Variants in FOCAD observed in about 807,000 individuals in gnomAD.
FOCAD encodes the protein KIAA1797.
Under a neutral mutation model 225.6 loss-of-function variants are expected in FOCAD, and 198 were observed. The ratio of observed to expected loss-of-function variants is 0.88; its 90% CI spans 0.78 to 0.99. The LOEUF is 0.99. Among genes scored for constraint, FOCAD ranks in the 50% least tolerant of loss-of-function variants. The pLI, the probability that FOCAD is intolerant of heterozygous loss-of-function variation, is 0.00. For synonymous variants in FOCAD, 897 were observed against 755.0 expected (o/e 1.19, Z -3.08); for missense variants, 2,713 against 2,123.6 (o/e 1.28, Z -5.46).
intron 26 of FOCAD, among the ~76,000 whole-genome samples, chr9:20,927,244 G>A (rs1247996975): frequency 6.6e-6 from 1 of 151,920 alleles, no homozygotes; most frequent in African/African-American, 2.4e-5. Context: ...GTGTGACTTT[G>A]GGCAATTCAC....
chr9:20,877,193 A>C (rs1470071379), intron 19 of FOCAD, among the ~76,000 whole-genome samples: 4 of 152,128 alleles, frequency 2.6e-5, no homozygotes. Flanking sequence ...GGGATTAGCT[A>C]TTTCTTTCCC....
intron 18 of FOCAD, among the ~76,000 whole-genome samples, chr9:20,868,628 T>C (rs190624743): frequency 6.6e-6 from 1 of 152,100 alleles, no homozygotes; most frequent in African/African-American, 2.4e-5. Context: ...TCTATATATG[T>C]TTGGGTTTTC....
At position 20,829,954 on chromosome 9, in the gene FOCAD, A is replaced by G. The variant is rs576819599; in HGVS notation, c.1920+6839A>G. 2.0e-4 allele frequency among the ~76,000 whole-genome samples: 30 copies of G among 152,246 alleles called. 1 individual carries two copies. The highest frequency in any genetic ancestry group is 2.9e-4 in the Non-Finnish European group (20 of 67,992). ...TTTATTATCTCATTTAATTCTTACA[A>G]TAGAAGAAAACCCCAATTGTGACAG... On this transcript the variant is annotated intron_variant, in intron 15 of 43. Coordinates refer to ENST00000338382, the MANE Select transcript of FOCAD (RefSeq NM_001375567.1).
chr9:20,729,314 G>A (rs1249175345), intron 4 of FOCAD, among the ~76,000 whole-genome samples: 1 of 152,060 alleles, frequency 6.6e-6, no homozygotes, highest in Non-Finnish European at 1.5e-5. Flanking sequence ...CTTGCCTTGT[G>A]GCCTTGTAAC....
chr9:20,949,042 A>G, intron 32 of FOCAD, 114 bp downstream of exon 32: 2 of 921,200 alleles, frequency 2.2e-6, no homozygotes, highest in South Asian at 1.5e-5. Context: ...GCTCATGGTA[A>G]TAGTTACACC....
intron 4 of FOCAD, among the ~76,000 whole-genome samples, chr9:20,737,377 T>C (rs1198452455): frequency 6.6e-6 from 1 of 152,216 alleles, no homozygotes; most frequent in Non-Finnish European, 1.5e-5. Flanking sequence ...AAAACCAATA[T>C]AGTTTCACAT....
At chr9:20,663,759 C>A (rs1377571686) in intron 2 of FOCAD, among the ~76,000 whole-genome samples, 2 of 152,144 alleles carry the variant, frequency 1.3e-5, no homozygotes, top group African/African-American at 4.8e-5. Flanking sequence ...GAAAGACTTT[C>A]CTTTTCAGAC....
In FOCAD at chr9:20,764,917, G is replaced by GTA; in HGVS notation, c.545_546dup (p.Cys183IlefsTer15). On this transcript the variant is annotated frameshift_variant, in exon 7 of 44. Coordinates refer to ENST00000338382, the MANE Select transcript of FOCAD (RefSeq NM_001375567.1). LOFTEE classifies it high-confidence loss of function. ...TAATGGCACCATTTCTGTGGTATCT[G>GTA]TATTGTGAACCATCTCAGTTACAAG... 4 of 1,614,112 alleles carry GTA rather than the reference G, an allele frequency of 2.5e-6. No individual in the cohort carries two copies. Among genetic ancestry groups the GTA allele is most frequent in the Non-Finnish European group, 3.4e-6 (4 of 1,180,002 alleles).
upstream of FOCAD, among the ~76,000 whole-genome samples, chr9:20,679,574 CT>C (rs1822338872): frequency 6.6e-6 from 1 of 152,002 alleles, no homozygotes; most frequent in South Asian, 2.1e-4. Flanking sequence ...TTTTCTTACT[CT>C]CTTTTTTTTT....
intron 9 of FOCAD, among the ~76,000 whole-genome samples, chr9:20,778,990 A>G (rs1358026948): frequency 6.6e-6 from 1 of 152,250 alleles, no homozygotes; most frequent in Non-Finnish European, 1.5e-5. Context: ...GTTAGAGGTT[A>G]TAATCTAACC....
intron 43 of FOCAD, among the ~76,000 whole-genome samples, chr9:20,993,648 T>G (rs1034409417): frequency 1.3e-5 from 2 of 152,202 alleles, no homozygotes; most frequent in African/African-American, 4.8e-5. Flanking sequence ...GTTAAGTACT[T>G]ATGTGTGGAA....
chr9:20,729,754 G>A (rs1164401293), intron 4 of FOCAD, among the ~76,000 whole-genome samples: 2 of 152,090 alleles, frequency 1.3e-5, no homozygotes, highest in African/African-American at 2.4e-5. Context: ...GTATTTCTCA[G>A]CCTTTCAGCT....
At chr9:20,952,634 G>A (rs781722589) in intron 34 of FOCAD, 38 of 278,584 alleles carry the variant, frequency 1.4e-4, no homozygotes, top group Middle Eastern at 1.1e-3. Flanking sequence ...CGGCAGACTC[G>A]TTGCTGAACG....
chr9:20,908,301 G>A lies in FOCAD; in HGVS notation c.2718+1059G>A, dbSNP rs190111539. Among the ~76,000 whole-genome samples the A allele has an allele frequency of 2.6e-5, 4 of 152,164 alleles. No individual in the cohort carries two copies. In the East Asian group the frequency reaches 7.8e-4, roughly 30 times the overall value. On this transcript the variant is annotated intron_variant, in intron 22 of 43. Transcript: ENST00000338382. ...AACAGCTGTCCTATAAAATGAGGTG[G>A]GCGGGGTGAGAGTGGGGCATAGGAT...
At chr9:20,877,905 C>CA (rs34257964) in intron 19 of FOCAD, among the ~76,000 whole-genome samples, 1 of 151,680 alleles carries the variant, frequency 6.6e-6, no homozygotes, top group Non-Finnish European at 1.5e-5. Context: ...GACTCCATCT[C>CA]AAAAAAACAA....
chr9:20,878,878 C>G (rs764751948), intron 19 of FOCAD, among the ~76,000 whole-genome samples: 11 of 152,122 alleles, frequency 7.2e-5, no homozygotes, highest in Non-Finnish European at 1.3e-4. Flanking sequence ...TGGTGAAAGT[C>G]CTGTAGTTTA....
Position 20,929,762 on chromosome 9 carries a change from T to A in FOCAD, c.3317+166T>A, listed in dbSNP as rs77153953. Among the ~76,000 whole-genome samples, 3 of 152,334 alleles carry A rather than the reference T, an allele frequency of 2.0e-5. No homozygotes were observed. The East Asian group carries it at 5.8e-4, about 29-fold the overall frequency. On this transcript the variant is annotated intron_variant, in intron 27 of 43. Coordinates refer to ENST00000338382, the MANE Select transcript of FOCAD (RefSeq NM_001375567.1). ...TTATTCTTCTTTAGGAGTAAATTTA[T>A]CTATCTAAAATACCATCGTGTAGGT...
intron 11 of FOCAD, among the ~76,000 whole-genome samples, chr9:20,793,404 G>A (rs973031291): frequency 1.3e-5 from 2 of 152,152 alleles, no homozygotes; most frequent in African/African-American, 4.8e-5. Context: ...TGTGCAAAAA[G>A]CCTAGAGTTT....
Position 20,714,604 on chromosome 9 carries a change from T to TTGCCTGCCTGCCTGCCTGCCTGCC in FOCAD, c.-32-708_-32-685dup, listed in dbSNP as rs199729075. ...CTGCCTTCCCCATCCTTTTGCATGC[T>TTGCCTGCCTGCCTGCCTGCCTGCC]TGCCTGCCTGCCTGCCTGCCTGCCT... On this transcript the variant is annotated intron_variant, in intron 1 of 43. Coordinates refer to ENST00000338382, the MANE Select transcript of FOCAD (RefSeq NM_001375567.1). 2.6e-3 allele frequency among the ~76,000 whole-genome samples: 157 copies of TTGCCTGCCTGCCTGCCTGCCTGCC among 59,328 alleles called. 7 individuals carry two copies. Among genetic ancestry groups the TTGCCTGCCTGCCTGCCTGCCTGCC allele is most frequent in the Middle Eastern group, 0.012 (2 of 170 alleles). The allele number at this position is 59,328 out of a possible 152,430, so 38.9% of individuals were successfully genotyped here. A position where few individuals can be genotyped will look rare whatever the true frequency, so the allele number is the denominator to read the frequency against.
Sources: allele counts gnomAD v4.1 joint callset (sites outside exome capture counted in the v4.1 genomes callset), GRCh38; gene constraint gnomAD v4.1.1; transcripts MANE v1.5; gene names NCBI Gene and HGNC (gene_info 2026-07-23, HGNC 2026-07-21).